Variants in ETV6 observed in about 807,000 individuals in gnomAD.
The protein encoded by ETV6 is transcription factor ETV6.
Under a neutral mutation model 51.1 loss-of-function variants are expected in ETV6, and 16 were observed. The observed-to-expected ratio is 0.31, with a 90% confidence interval of 0.21 to 0.48. The LOEUF is 0.48. Among genes scored for constraint, ETV6 ranks in the 20% least tolerant of loss-of-function variants. The pLI, the probability that ETV6 is intolerant of heterozygous loss-of-function variation, is 0.99. For synonymous variants in ETV6, 240 were observed against 224.1 expected, an observed-to-expected ratio of 1.07 and a Z score of -0.64; for missense variants, 458 against 594.8, an observed-to-expected ratio of 0.77 and a Z score of 2.39.
Position 11,893,794 on chromosome 12 carries a change from T to TA in ETV6, c.*2748_*2749insA, listed in dbSNP as rs58787654. 146 of 79,488 alleles carry TA rather than the reference T, an allele frequency of 1.8e-3. 7 individuals are homozygous for TA. The highest frequency in any genetic ancestry group is 4.4e-3 in the South Asian group (9 of 2,038). The allele number at this position is 79,488 out of a possible 1,614,324, so 4.9% of individuals were successfully genotyped here. A position where few individuals can be genotyped will look rare whatever the true frequency, so the allele number is the denominator to read the frequency against. Reference sequence around the variant, plus strand: ...GTGTCCATCCCCAAGATCTCTCATTTTATATATATATATATATATATATAT... The same window carrying TA: ...GTGTCCATCCCCAAGATCTCTCATTTATATATATATATATATATATATATAT... On this transcript the variant is annotated 3_prime_UTR_variant, in exon 8 of 8. Transcript: ENST00000396373.
intron 1 of ETV6, among the ~76,000 whole-genome samples, chr12:11,674,835 T>C (rs577983863): frequency 1.6e-4 from 24 of 152,200 alleles, no homozygotes; most frequent in Non-Finnish European, 3.4e-4. Flanking sequence ...CGGAGGCCCC[T>C]GGTGCTCAGG....
At chr12:11,861,666 C>T (rs1009870756) in intron 4 of ETV6, among the ~76,000 whole-genome samples, 2 of 152,090 alleles carry the variant, frequency 1.3e-5, no homozygotes, top group African/African-American at 4.8e-5. Flanking sequence ...CAAGAGACTT[C>T]CTTTACCCCT....
chr12:11,735,822 A>C (rs1280999373), intron 1 of ETV6, among the ~76,000 whole-genome samples: 1 of 151,886 alleles, frequency 6.6e-6, no homozygotes, highest in Non-Finnish European at 1.5e-5. Flanking sequence ...CTGGTCTCGA[A>C]CTCCTGACCT....
chr12:11,677,149 T>C (rs1199872462), intron 1 of ETV6, among the ~76,000 whole-genome samples: 1 of 152,106 alleles, frequency 6.6e-6, no homozygotes, highest in African/African-American at 2.4e-5. Flanking sequence ...ACAAGGACAC[T>C]GTGGCTCTCT....
At chr12:11,665,286 A>T (rs1864173617) in intron 1 of ETV6, among the ~76,000 whole-genome samples, 1 of 152,228 alleles carries the variant, frequency 6.6e-6, no homozygotes, top group Non-Finnish European at 1.5e-5. Flanking sequence ...GGCATGAGCC[A>T]CTATGCCCAT....
intron 1 of ETV6, among the ~76,000 whole-genome samples, chr12:11,749,718 G>C (rs1266803126): frequency 6.6e-6 from 1 of 152,176 alleles, no homozygotes; most frequent in Admixed American, 6.5e-5. Flanking sequence ...CTGTAGTGTG[G>C]GATTCCCAAG....
intron 2 of ETV6, among the ~76,000 whole-genome samples, chr12:11,766,772 G>A (rs1043955741): frequency 6.6e-6 from 1 of 152,090 alleles, no homozygotes; most frequent in African/African-American, 2.4e-5. Flanking sequence ...GGGTGGGGGC[G>A]GGCAGTCAGG....
At chr12:11,721,958 C>T (rs1865397107) in intron 1 of ETV6, among the ~76,000 whole-genome samples, 1 of 152,108 alleles carries the variant, frequency 6.6e-6, no homozygotes, top group African/African-American at 2.4e-5. Context: ...CAAAGTTGTC[C>T]ATCACCCTGG....
At chr12:11,705,176 TAGTGTGCTA>T (rs1865051694) in intron 1 of ETV6, among the ~76,000 whole-genome samples, 1 of 152,172 alleles carries the variant, frequency 6.6e-6, no homozygotes, top group Non-Finnish European at 1.5e-5. Context: ...CATTACGTAA[TAGTGTGCTA>T]AGAACAGGAG....
chr12:11,664,738 T>C (rs1172881030), intron 1 of ETV6, among the ~76,000 whole-genome samples: 2 of 152,200 alleles, frequency 1.3e-5, no homozygotes, highest in Non-Finnish European at 2.9e-5. Flanking sequence ...TGCCAGGCAG[T>C]CTGGTGCATA....
Position 11,708,624 on chromosome 12 carries a change from T to C in ETV6, c.34-43826T>C, listed in dbSNP as rs1384234070. 2.6e-5 allele frequency among the ~76,000 whole-genome samples: 4 copies of C among 152,178 alleles called. No individual in the cohort carries two copies. In the East Asian group the frequency reaches 7.7e-4, roughly 29 times the overall value. On this transcript the variant is annotated intron_variant, in intron 1 of 7. Transcript: ENST00000396373. ...AGGCCAGTATCATGGGGGATGGACA[T>C]TGTTTCATTCTAGGCACATTCAGGA...
chr12:11,726,135 T>C (rs1373727599), intron 1 of ETV6, among the ~76,000 whole-genome samples: 3 of 152,192 alleles, frequency 2.0e-5, no homozygotes, highest in African/African-American at 4.8e-5. Flanking sequence ...AAGAAATGTT[T>C]ATGTACTCTA....
intron 1 of ETV6, among the ~76,000 whole-genome samples, chr12:11,737,042 C>A (rs546622672): frequency 6.6e-6 from 1 of 152,212 alleles, no homozygotes; most frequent in Admixed American, 6.5e-5. Flanking sequence ...TGTGGGAGGG[C>A]CTGGGGCTCC....
chr12:11,833,998 C>T (rs1946280496), intron 2 of ETV6, among the ~76,000 whole-genome samples: 1 of 152,096 alleles, frequency 6.6e-6, no homozygotes, highest in Non-Finnish European at 1.5e-5. Context: ...GTATATTGTC[C>T]AGAGAAAGAA....
At chr12:11,698,939 C>T (rs1410110686) in intron 1 of ETV6, among the ~76,000 whole-genome samples, 1 of 152,128 alleles carries the variant, frequency 6.6e-6, no homozygotes, top group Non-Finnish European at 1.5e-5. Context: ...TGTAACCTGC[C>T]TAAAGTTCAC....
At chr12:11,782,499 A>G (rs1945427505) in intron 2 of ETV6, among the ~76,000 whole-genome samples, 2 of 152,208 alleles carry the variant, frequency 1.3e-5, no homozygotes, top group African/African-American at 4.8e-5. Context: ...CTCACACAGT[A>G]TGTGTGCATT....
intron 1 of ETV6, among the ~76,000 whole-genome samples, chr12:11,751,681 CT>C (rs2121063838): frequency 6.6e-6 from 1 of 152,324 alleles, no homozygotes; most frequent in East Asian, 1.9e-4. Flanking sequence ...CCACCCCACC[CT>C]TTGATACTTG....
chr12:11,884,912 A>G (rs1947162380), intron 6 of ETV6, among the ~76,000 whole-genome samples: 1 of 152,216 alleles, frequency 6.6e-6, no homozygotes, highest in Non-Finnish European at 1.5e-5. Flanking sequence ...AGGGAAGTAC[A>G]GCAAGACTCT....
chr12:11,751,680 C>T (rs1436895189), intron 1 of ETV6, among the ~76,000 whole-genome samples: 1 of 152,162 alleles, frequency 6.6e-6, no homozygotes, highest in African/African-American at 2.4e-5. Context: ...CCCACCCCAC[C>T]CTTTGATACT....
Sources: allele counts gnomAD v4.1 joint callset (sites outside exome capture counted in the v4.1 genomes callset), GRCh38; gene constraint gnomAD v4.1.1; transcripts MANE v1.5; gene names NCBI Gene and HGNC (gene_info 2026-07-23, HGNC 2026-07-21).